The following AGAP1 variants were observed in gnomAD, a reference collection of about 807,000 sequenced individuals.
AGAP1 encodes ArfGAP with GTPase domain, ankyrin repeat and PH domain 1.
Under a neutral mutation model 105.3 loss-of-function variants are expected in AGAP1, and 29 were observed. That is an observed-to-expected ratio of 0.28 (90% CI 0.21 to 0.38). The LOEUF is 0.38. AGAP1 is among the 10% of genes least tolerant of loss of function. AGAP1 has a pLI of 1.00. For missense variants in AGAP1, 998 were observed against 1,165.1 expected, an observed-to-expected ratio of 0.86 and a Z score of 2.09; for synonymous variants, 509 against 485.9, an observed-to-expected ratio of 1.05 and a Z score of -0.63.
intron 6 of AGAP1, among the ~76,000 whole-genome samples, chr2:235,759,078 G>A (rs551292686): frequency 8.5e-5 from 13 of 152,112 alleles, no homozygotes; most frequent in African/African-American, 2.9e-4. Context: ...ACAGGCATGA[G>A]CCATGGCACC....
rs999550682 is a variant in AGAP1, at chr2:235,934,508, C to T, written c.1483+3585C>T. The stretch of plus-strand genomic sequence containing the variant: ...TTTAGTGAACACCAGGGCACAGGAT[C>T]TGATGGACAACTTCCAGAAAACGTG... On this transcript the variant is annotated intron_variant, in intron 12 of 17. Transcript: ENST00000304032. The surrounding 1 kb of genome is among the most constrained non-coding windows in gnomAD (Gnocchi z 4.9). 2.0e-5 allele frequency among the ~76,000 whole-genome samples: 3 copies of T among 152,198 alleles called. No homozygotes were observed. Among genetic ancestry groups the T allele is most frequent in the Admixed American group, 6.5e-5 (1 of 15,282 alleles).
rs905789385 is a variant in AGAP1, at chr2:235,753,139, A to G, written c.673+2651A>G. On this transcript the variant is annotated intron_variant, in intron 6 of 17. Transcript: ENST00000304032. The surrounding 1 kb of genome is among the most constrained non-coding windows in gnomAD (Gnocchi z 4.5). ...AGTATAAGAATTTGGGTTGAGTTCC[A>G]TACCACACCCAGCACGTTCAAGGCA... Among the ~76,000 whole-genome samples, 1 of 152,188 alleles carries G rather than the reference A, an allele frequency of 6.6e-6. No individual in the cohort carries two copies. Among genetic ancestry groups the G allele is most frequent in the African/African-American group, 2.4e-5 (1 of 41,446 alleles).
chr2:235,920,889 A>G (rs2052152093), intron 11 of AGAP1, among the ~76,000 whole-genome samples: 1 of 152,242 alleles, frequency 6.6e-6, no homozygotes, highest in African/African-American at 2.4e-5. Context: ...AGTGCTTTAC[A>G]TAATTTGATC....
chr2:235,986,774 T>G (rs1046098105), intron 13 of AGAP1, among the ~76,000 whole-genome samples: 1 of 152,210 alleles, frequency 6.6e-6, no homozygotes, highest in Non-Finnish European at 1.5e-5. Context: ...TGATTTATGT[T>G]TATTGATTTG....
At chr2:235,794,030 C>A (rs1957124821) in intron 6 of AGAP1, among the ~76,000 whole-genome samples, 1 of 152,054 alleles carries the variant, frequency 6.6e-6, no homozygotes, top group African/African-American at 2.4e-5. Flanking sequence ...ATCCTCAGGT[C>A]AAGGAGGGCC....
chr2:235,934,414 C>T lies in AGAP1; in HGVS notation c.1483+3491C>T, dbSNP rs560509658. ...GTCTGCGCCGAGGGTACCATCCCGG[C>T]GTCCCTCTGGTTCGCGTCATTCCCC... On this transcript the variant is annotated intron_variant, in intron 12 of 17. Transcript: ENST00000304032. This position sits in a 1 kb window ranked among gnomAD's most constrained non-coding sequence, Gnocchi z 4.9. 5.3e-5 allele frequency among the ~76,000 whole-genome samples: 8 copies of T among 152,280 alleles called. No homozygotes were observed. In the South Asian group the frequency reaches 1.2e-3, roughly 24 times the overall value.
intron 1 of AGAP1, among the ~76,000 whole-genome samples, chr2:235,510,949 C>T (rs1313586810): frequency 8.6e-6 from 1 of 116,940 alleles, no homozygotes; most frequent in Non-Finnish European, 1.6e-5. Context: ...TCTGTAAATC[C>T]GGATGTTTGG....
chr2:235,851,495 G>T (rs971457469), intron 9 of AGAP1, among the ~76,000 whole-genome samples: 3 of 152,178 alleles, frequency 2.0e-5, no homozygotes, highest in Non-Finnish European at 2.9e-5. Flanking sequence ...TCGTTTCAGA[G>T]AATTTTTTTT....
At position 235,957,516 on chromosome 2, in the gene AGAP1, G is replaced by C. The variant is rs986426803; in HGVS notation, c.1484-10946G>C. On this transcript the variant is annotated intron_variant, in intron 12 of 17. Transcript: ENST00000304032. This position sits in a 1 kb window ranked among gnomAD's most constrained non-coding sequence, Gnocchi z 4.6. ...GCGGCAAAGGGAAAGGGACAATAAT[G>C]CCAGTCTCTGAAACATCTTCAGAGA... Among the ~76,000 whole-genome samples, 10 of 152,322 alleles carry C rather than the reference G, an allele frequency of 6.6e-5. No homozygotes were observed. The highest frequency in any genetic ancestry group is 2.4e-4 in the African/African-American group (10 of 41,560).
intron 6 of AGAP1, among the ~76,000 whole-genome samples, chr2:235,772,194 T>C (rs1334527515): frequency 1.3e-5 from 2 of 152,030 alleles, no homozygotes; most frequent in Non-Finnish European, 2.9e-5. Flanking sequence ...GAGACAGGGA[T>C]GTCGGCCAGG....
intron 1 of AGAP1, among the ~76,000 whole-genome samples, chr2:235,628,024 G>T (rs1369912029): frequency 6.6e-6 from 1 of 152,112 alleles, no homozygotes; most frequent in Non-Finnish European, 1.5e-5. Flanking sequence ...ACAGGGAGAG[G>T]GTCTGAGCCC....
At position 235,623,705 on chromosome 2, in the gene AGAP1, G is replaced by A. The variant is rs539073234; in HGVS notation, c.164-85474G>A. Among the ~76,000 whole-genome samples, 2 of 151,998 alleles carry A rather than the reference G, an allele frequency of 1.3e-5. No individual in the cohort carries two copies. The highest frequency in any genetic ancestry group is 1.5e-5 in the Non-Finnish European group (1 of 68,000). ...GGATCTTCACTCCTCCCCTCATTTT[G>A]GACATTTTCTCAGAATGAATGATAC... On this transcript the variant is annotated intron_variant, in intron 1 of 17. Coordinates refer to ENST00000304032, the MANE Select transcript of AGAP1 (RefSeq NM_001037131.3). This position sits in a 1 kb window ranked among gnomAD's most constrained non-coding sequence, Gnocchi z 4.5.
Position 235,517,886 on chromosome 2 carries a change from T to C in AGAP1, c.163+23037T>C, listed in dbSNP as rs1407827593. On this transcript the variant is annotated intron_variant, in intron 1 of 17. Transcript: ENST00000304032. The surrounding 1 kb of genome is among the most constrained non-coding windows in gnomAD (Gnocchi z 4.1). The stretch of plus-strand genomic sequence containing the variant: ...CGGGAAGTGTTGGAGTGAGCCAAGA[T>C]TGTGCCTCTGCACTCCAGCCTGGGT... 6.7e-6 allele frequency among the ~76,000 whole-genome samples: 1 copy of C among 149,102 alleles called. No individual in the cohort carries two copies. Among genetic ancestry groups the C allele is most frequent in the Admixed American group, 6.7e-5 (1 of 14,824 alleles).
chr2:235,574,873 A>G lies in AGAP1; in HGVS notation c.163+80024A>G, dbSNP rs1348456680. ...CGCAGTGGAGCACGCGTGTAATTCT[A>G]GCACTTAGGGAGGCCGAGGCAAATG... On this transcript the variant is annotated intron_variant, in intron 1 of 17. Transcript: ENST00000304032. This position sits in a 1 kb window ranked among gnomAD's most constrained non-coding sequence, Gnocchi z 5.0. Among the ~76,000 whole-genome samples, 2 of 152,228 alleles carry G rather than the reference A, an allele frequency of 1.3e-5. No homozygotes were observed. The highest frequency in any genetic ancestry group is 4.8e-5 in the African/African-American group (2 of 41,458).
intron 13 of AGAP1, among the ~76,000 whole-genome samples, chr2:236,026,602 G>T (rs925926347): frequency 6.6e-6 from 1 of 152,098 alleles, no homozygotes; most frequent in Admixed American, 6.6e-5. Flanking sequence ...GGTGGCAGGC[G>T]CCTGCAATCC....
chr2:235,833,278 A>G (rs1240227781), intron 9 of AGAP1, among the ~76,000 whole-genome samples: 1 of 152,216 alleles, frequency 6.6e-6, no homozygotes, highest in Non-Finnish European at 1.5e-5. Context: ...GCGGGACCAC[A>G]CGTGGCCAAA....
intron 1 of AGAP1, among the ~76,000 whole-genome samples, chr2:235,630,885 G>A (rs924037649): frequency 3.9e-5 from 6 of 152,180 alleles, no homozygotes; most frequent in African/African-American, 7.2e-5. Context: ...GGCCCAGCCC[G>A]TTGCGGGTCT....
At chr2:235,520,656 C>G (rs950648790) in intron 1 of AGAP1, among the ~76,000 whole-genome samples, 15 of 152,138 alleles carry the variant, frequency 9.9e-5, no homozygotes, top group Middle Eastern at 3.4e-3. Flanking sequence ...TTATAATTCT[C>G]TCATTATTTT....
Position 235,905,758 on chromosome 2 carries a change from C to A in AGAP1, c.1156-2980C>A, listed in dbSNP as rs1458146351. Among the ~76,000 whole-genome samples the A allele has an allele frequency of 6.6e-6, 1 of 152,246 alleles. No individual in the cohort carries two copies. Among genetic ancestry groups the A allele is most frequent in the Non-Finnish European group, 1.5e-5 (1 of 68,048 alleles). On this transcript the variant is annotated intron_variant, in intron 10 of 17. Coordinates refer to ENST00000304032, the MANE Select transcript of AGAP1 (RefSeq NM_001037131.3). The surrounding 1 kb of genome is among the most constrained non-coding windows in gnomAD (Gnocchi z 4.2). ...AAGTGATCCACTCTCCTCGGCCTCCCAGAGTGCTGGGATTACAGGCGTGAG... is the reference window on the plus strand; with the variant it reads ...AAGTGATCCACTCTCCTCGGCCTCCAAGAGTGCTGGGATTACAGGCGTGAG...
Sources: gnomAD v4.1 joint callset for allele counts (sites outside exome capture counted in the v4.1 genomes callset) on GRCh38, gnomAD v4.1.1 for gene constraint, Gnocchi (gnomAD v3.1) non-coding constraint, MANE v1.5 for transcripts, NCBI Gene and HGNC (gene_info 2026-07-23, HGNC 2026-07-21) for gene names.